The following SDHC variants were observed in gnomAD, a reference collection of about 807,000 sequenced individuals.
SDHC encodes succinate dehydrogenase complex subunit C.
In SDHC, 11 loss-of-function variants were observed where a neutral mutation model predicts 22.6. That is an observed-to-expected ratio of 0.49 (90% CI 0.31 to 0.81). The LOEUF is 0.81. SDHC is among the 30% of genes least tolerant of loss of function. The pLI is 0.05. For synonymous variants in SDHC, 80 were observed against 77.8 expected (o/e 1.03, Z -0.15); for missense variants, 160 against 212.0 (o/e 0.75, Z 1.52).
At chr1:161,361,169 C>T (rs1006795402) in intron 5 of SDHC, among the ~76,000 whole-genome samples, 7 of 151,778 alleles carry the variant, frequency 4.6e-5, no homozygotes, top group African/African-American at 1.7e-4. Flanking sequence ...TCAAGACCTG[C>T]CTGAACAATA....
chr1:161,347,853 A>G (rs1216424119), intron 4 of SDHC, among the ~76,000 whole-genome samples: 2 of 151,996 alleles, frequency 1.3e-5, no homozygotes, highest in Non-Finnish European at 2.9e-5. Flanking sequence ...CAACAGAGTG[A>G]CACTCTGTCT....
intron 4 of SDHC, among the ~76,000 whole-genome samples, chr1:161,348,347 C>T (rs1671974716): frequency 6.6e-6 from 1 of 151,258 alleles, no homozygotes; most frequent in Non-Finnish European, 1.5e-5. Context: ...TTAGTAGAGA[C>T]GGGATTTCAC....
At chr1:161,319,274 C>T (rs929346273) in intron 1 of SDHC, among the ~76,000 whole-genome samples, 3 of 151,846 alleles carry the variant, frequency 2.0e-5, no homozygotes, top group Non-Finnish European at 4.4e-5. Context: ...ACTATGGATC[C>T]AAAATATTTT....
chr1:161,328,130 A>G (rs1380852613), intron 2 of SDHC, among the ~76,000 whole-genome samples: 1 of 151,160 alleles, frequency 6.6e-6, no homozygotes, highest in Non-Finnish European at 1.5e-5. Flanking sequence ...CAGTCTCCCG[A>G]GTAGCTGGGA....
At chr1:161,343,621 C>A in intron 4 of SDHC, among the ~76,000 whole-genome samples, 1 of 152,082 alleles carries the variant, frequency 6.6e-6, no homozygotes, top group Non-Finnish European at 1.5e-5. Flanking sequence ...GCTATTCTAA[C>A]TGTAGATTCA....
chr1:161,330,018 G>A (rs892648535), intron 3 of SDHC, among the ~76,000 whole-genome samples: 29 of 152,104 alleles, frequency 1.9e-4, no homozygotes, highest in Non-Finnish European at 5.9e-5. Context: ...AATAATATCT[G>A]CAAAGTTCTT....
intron 5 of SDHC, among the ~76,000 whole-genome samples, chr1:161,359,680 C>T (rs1315017735): frequency 6.6e-6 from 1 of 152,166 alleles, no homozygotes; most frequent in Non-Finnish European, 1.5e-5. Flanking sequence ...AGTGAAGAAC[C>T]TAAGGGTCCT....
At chr1:161,333,219 G>A (rs1671345043) in intron 3 of SDHC, among the ~76,000 whole-genome samples, 4 of 152,042 alleles carry the variant, frequency 2.6e-5, no homozygotes, top group Non-Finnish European at 5.9e-5. Context: ...TACATACAGT[G>A]TTTTATTTAC....
Position 161,314,438 on chromosome 1 carries a change from G to A in SDHC, c.20+13G>A. On this transcript the variant is annotated intron_variant, in intron 1 of 5. Transcript: ENST00000367975. Reference sequence around the variant, plus strand: ...CGCTGTTGCTGAGGTGACTTCAGTGGGACTGGGAGTTGGTGCCTGCGGCCC... The same window carrying A: ...CGCTGTTGCTGAGGTGACTTCAGTGAGACTGGGAGTTGGTGCCTGCGGCCC... 6.3e-7 allele frequency: 1 copy of A among 1,582,602 alleles called. No homozygotes were observed. Among genetic ancestry groups the A allele is most frequent in the Non-Finnish European group, 8.6e-7 (1 of 1,156,832 alleles).
intron 1 of SDHC, among the ~76,000 whole-genome samples, chr1:161,317,391 A>C (rs1477017973): frequency 1.3e-5 from 2 of 151,990 alleles, no homozygotes; most frequent in Non-Finnish European, 2.9e-5. Context: ...TTGGCAAATA[A>C]AAATTGTATA....
At chr1:161,318,804 C>T (rs6666989) in intron 1 of SDHC, among the ~76,000 whole-genome samples, 14,840 of 152,016 alleles carry the variant, frequency 0.098, 1,029 homozygotes, top group Non-Finnish European at 0.14. Context: ...GAGGCCGAGG[C>T]GGGAGGATCA....
At chr1:161,355,500 G>A (rs1171561412) in intron 4 of SDHC, among the ~76,000 whole-genome samples, 1 of 151,998 alleles carries the variant, frequency 6.6e-6, no homozygotes, top group Non-Finnish European at 1.5e-5. Flanking sequence ...TATGATTTTG[G>A]TGTCATCTGT....
At chr1:161,348,060 A>G (rs562278943) in intron 4 of SDHC, among the ~76,000 whole-genome samples, 2 of 152,322 alleles carry the variant, frequency 1.3e-5, no homozygotes, top group African/African-American at 2.4e-5. Context: ...TATTTTAACT[A>G]TAGAGATTTT....
chr1:161,330,773 G>A (rs979672316), intron 3 of SDHC, among the ~76,000 whole-genome samples: 4 of 152,240 alleles, frequency 2.6e-5, no homozygotes, highest in African/African-American at 9.6e-5. Flanking sequence ...ACCAAAGCAG[G>A]TGAATTTCCT....
chr1:161,318,477 G>A (rs1670710069), intron 1 of SDHC, among the ~76,000 whole-genome samples: 1 of 152,180 alleles, frequency 6.6e-6, no homozygotes, highest in Admixed American at 6.5e-5. Flanking sequence ...AGGCCAAGGA[G>A]TTAGAGAACT....
At chr1:161,357,529 AGCTGGGACTACAGGCGCCTCCC>A (rs565875905) in intron 5 of SDHC, among the ~76,000 whole-genome samples, 164 of 152,068 alleles carry the variant, frequency 1.1e-3, no homozygotes, top group African/African-American at 3.8e-3. Flanking sequence ...CCTCCCGAGC[AGCTGGGACTACAGGCGCCTCCC>A]ACCACGCCCG....
chr1:161,324,803 T>C (rs1363252696), intron 2 of SDHC, among the ~76,000 whole-genome samples: 1 of 152,224 alleles, frequency 6.6e-6, no homozygotes, highest in Non-Finnish European at 1.5e-5. Flanking sequence ...AGTATAATTA[T>C]ATAAACATAA....
chr1:161,362,058 C>G (rs1013423096), intron 5 of SDHC, among the ~76,000 whole-genome samples: 1 of 151,790 alleles, frequency 6.6e-6, no homozygotes, highest in Non-Finnish European at 1.5e-5. Flanking sequence ...TTTTGTATAC[C>G]GTATGGGGCC....
At position 161,314,437 on chromosome 1, in the gene SDHC, G is replaced by A. The variant is rs1014189365; in HGVS notation, c.20+12G>A. The stretch of plus-strand genomic sequence containing the variant: ...GCGCTGTTGCTGAGGTGACTTCAGT[G>A]GGACTGGGAGTTGGTGCCTGCGGCC... On this transcript the variant is annotated intron_variant, in intron 1 of 5. Coordinates refer to ENST00000367975, the MANE Select transcript of SDHC (RefSeq NM_003001.5). 6.2e-7 allele frequency: 1 copy of A among 1,614,028 alleles called. No individual in the cohort carries two copies. The highest frequency in any genetic ancestry group is 8.5e-7 in the Non-Finnish European group (1 of 1,179,958).
Sources: allele counts gnomAD v4.1 joint callset (sites outside exome capture counted in the v4.1 genomes callset), GRCh38; gene constraint gnomAD v4.1.1; transcripts MANE v1.5; gene names NCBI Gene and HGNC (gene_info 2026-07-23, HGNC 2026-07-21).